Variants in RABGAP1L observed in about 807,000 individuals in gnomAD.
The protein encoded by RABGAP1L is RAB GTPase activating protein 1 like, also known as rab GTPase-activating protein 1-like.
In RABGAP1L, 63 loss-of-function variants were observed where a neutral mutation model predicts 137.7. That is an observed-to-expected ratio of 0.46 (90% CI 0.37 to 0.56). RABGAP1L has a LOEUF of 0.56. RABGAP1L is among the 20% of genes least tolerant of loss of function. The pLI, the probability that RABGAP1L is intolerant of heterozygous loss-of-function variation, is 0.00. For missense variants in RABGAP1L, 1,095 were observed against 1,244.0 expected (o/e 0.88, Z 1.80); for synonymous variants, 431 against 433.7 (o/e 0.99, Z 0.08).
At position 174,398,699 on chromosome 1, in the gene RABGAP1L, A is replaced by G. The variant is rs578242672; in HGVS notation, c.1710+4554A>G. On this transcript the variant is annotated intron_variant, in intron 13 of 25. Transcript: ENST00000681986. ...CTGGCTACTATCTTCATGGAAAACT[A>G]GAAATGTTTTTTAAAAGATAGACAC... Among the ~76,000 whole-genome samples the G allele has an allele frequency of 3.9e-5, 6 of 152,284 alleles. No individual in the cohort carries two copies. In the South Asian group the frequency reaches 1.2e-3, roughly 32 times the overall value.
chr1:174,955,432 C>T (rs1668369360), intron 19 of RABGAP1L, among the ~76,000 whole-genome samples: 1 of 152,120 alleles, frequency 6.6e-6, no homozygotes, highest in African/African-American at 2.4e-5. Context: ...GGGAATGACA[C>T]CTGGAGTCTT....
intron 1 of RABGAP1L, among the ~76,000 whole-genome samples, chr1:174,193,391 G>A (rs1263468074): frequency 6.6e-6 from 1 of 152,144 alleles, no homozygotes; most frequent in Non-Finnish European, 1.5e-5. Context: ...AATTAGCTGG[G>A]CATGGTGGTG....
chr1:174,301,523 G>C (rs1207436122), intron 10 of RABGAP1L, among the ~76,000 whole-genome samples: 1 of 151,712 alleles, frequency 6.6e-6, no homozygotes, highest in East Asian at 2.0e-4. Flanking sequence ...ACAGCCTTCT[G>C]TGTACCCAGT....
At chr1:174,882,084 C>G (rs1270645485) in intron 19 of RABGAP1L, among the ~76,000 whole-genome samples, 1 of 152,144 alleles carries the variant, frequency 6.6e-6, no homozygotes, top group African/African-American at 2.4e-5. Context: ...TGGTCTCGAA[C>G]TCCTGACTTC....
At chr1:174,214,627 C>T (rs1327606310) in intron 1 of RABGAP1L, among the ~76,000 whole-genome samples, 2 of 152,098 alleles carry the variant, frequency 1.3e-5, no homozygotes, top group African/African-American at 4.8e-5. Flanking sequence ...AAAACCAGTA[C>T]TAGCAAGAAA....
At chr1:174,747,836 TC>T (rs1489220526) in intron 17 of RABGAP1L, among the ~76,000 whole-genome samples, 4 of 151,698 alleles carry the variant, frequency 2.6e-5, no homozygotes, top group African/African-American at 9.7e-5. Flanking sequence ...GATTATTGGC[TC>T]CCCCAAGTGG....
intron 23 of RABGAP1L, among the ~76,000 whole-genome samples, chr1:174,982,288 C>A (rs1041585819): frequency 6.6e-6 from 1 of 152,150 alleles, no homozygotes; most frequent in Non-Finnish European, 1.5e-5. Flanking sequence ...CCCCTAGTCC[C>A]CTACCCCTCC....
chr1:174,479,937 A>T (rs970237883), intron 13 of RABGAP1L, among the ~76,000 whole-genome samples: 1 of 152,116 alleles, frequency 6.6e-6, no homozygotes, highest in East Asian at 1.9e-4. Flanking sequence ...TTGCTATTGT[A>T]TTTACTAACT....
At chr1:174,383,570 C>T (rs747779493) in intron 12 of RABGAP1L, among the ~76,000 whole-genome samples, 16 of 152,178 alleles carry the variant, frequency 1.1e-4, no homozygotes, top group East Asian at 1.9e-4. Flanking sequence ...CGTCCGTCAC[C>T]GCTTTCTTTG....
chr1:174,599,823 G>A (rs1670277122), intron 13 of RABGAP1L, among the ~76,000 whole-genome samples: 1 of 152,062 alleles, frequency 6.6e-6, no homozygotes, highest in South Asian at 2.1e-4. Flanking sequence ...GGTTAAATCT[G>A]CTTGGTGTTT....
intron 13 of RABGAP1L, among the ~76,000 whole-genome samples, chr1:174,506,351 C>T (rs926344767): frequency 2.0e-5 from 3 of 152,112 alleles, no homozygotes; most frequent in South Asian, 2.1e-4. Context: ...AGAGGTTATA[C>T]GGCCCACAAA....
Position 174,547,968 on chromosome 1 carries a change from T to C in RABGAP1L, c.1711-89407T>C, listed in dbSNP as rs561421817. The stretch of plus-strand genomic sequence containing the variant: ...TTAGACTTGATGTTCTGATTACTTA[T>C]ACTTTTTGTTTTAGTTCCTTTCCTG... On this transcript the variant is annotated intron_variant, in intron 13 of 25. Transcript: ENST00000681986. The C allele has an allele frequency of 2.1e-5, 33 of 1,550,592 alleles. No homozygotes were observed. In the South Asian group the frequency reaches 3.3e-4, roughly 16 times the overall value.
chr1:174,735,517 C>T lies in RABGAP1L; in HGVS notation c.2170-16796C>T, dbSNP rs1456449615. Among the ~76,000 whole-genome samples the T allele has an allele frequency of 1.4e-4, 20 of 141,764 alleles. No individual in the cohort carries two copies. In the Admixed American group the frequency reaches 1.6e-3, roughly 11 times the overall value. 93.0% of individuals were successfully genotyped at this position (141,764 alleles called of 152,430 possible). A position where few individuals can be genotyped will look rare whatever the true frequency, so the allele number is the denominator to read the frequency against. ...ATCCCAGCACTTTTGGAGCCCAAGG[C>T]AGGAGAATCACTTGAACCTGGGAGG... On this transcript the variant is annotated intron_variant, in intron 17 of 25. Transcript: ENST00000681986.
At chr1:174,457,123 G>T (rs1326183479) in intron 13 of RABGAP1L, among the ~76,000 whole-genome samples, 1 of 152,144 alleles carries the variant, frequency 6.6e-6, no homozygotes, top group African/African-American at 2.4e-5. Context: ...ACATTGTAGC[G>T]TTAGAGGGAT....
rs746693468 is a variant in RABGAP1L, at chr1:174,305,024, A to C, written c.1362A>C (p.Ile454=). 1.1e-5 allele frequency: 18 copies of C among 1,565,506 alleles called. No individual in the cohort carries two copies. Among genetic ancestry groups the C allele is most frequent in the Non-Finnish European group, 1.6e-5 (18 of 1,159,954 alleles). ...GKGHTNAGDA[I]YEVVSLQRES... ...GCCATACCAATGCTGGAGATGCAATATATGAGGTGGTGAGTCTACAGCGAG... is the reference window on the plus strand; with the variant it reads ...GCCATACCAATGCTGGAGATGCAATCTATGAGGTGGTGAGTCTACAGCGAG... Residue 454 remains isoleucine (I), a synonymous_variant, in exon 11 of 26, where the codon ATA becomes ATC. Transcript: ENST00000681986.
chr1:174,205,092 A>G (rs1220916501), intron 1 of RABGAP1L, among the ~76,000 whole-genome samples: 1 of 152,020 alleles, frequency 6.6e-6, no homozygotes, highest in Non-Finnish European at 1.5e-5. Context: ...TGTTTTTGTG[A>G]TGAGTCACAT....
chr1:174,962,404 T>C (rs1669234778), intron 20 of RABGAP1L, among the ~76,000 whole-genome samples: 1 of 152,162 alleles, frequency 6.6e-6, no homozygotes, highest in Non-Finnish European at 1.5e-5. Context: ...ATTTAGAATG[T>C]TTAACCTCAT....
chr1:174,339,248 C>G (rs573734491), intron 11 of RABGAP1L, among the ~76,000 whole-genome samples: 1 of 152,080 alleles, frequency 6.6e-6, no homozygotes, highest in East Asian at 1.9e-4. Flanking sequence ...CGCAAAAACT[C>G]AAATTTCATA....
rs563033828 is a variant in RABGAP1L at position 174,856,921 on chromosome 1, C to T, written c.2340+44961C>T. 1.1e-4 allele frequency among the ~76,000 whole-genome samples: 17 copies of T among 150,348 alleles called. 1 individual carries two copies. Among genetic ancestry groups the T allele is most frequent in the Middle Eastern group, 3.4e-3 (1 of 290 alleles). ...CAGCCTGGGAGACAGAGCAAGACTC[C>T]GTCTCCAAAAAAAAAAAAAGTTAGA... is the stretch of plus-strand genomic sequence containing the variant. On this transcript the variant is annotated intron_variant, in intron 19 of 25. Coordinates refer to ENST00000681986, the MANE Select transcript of RABGAP1L (RefSeq NM_001366446.1).
Sources: gnomAD v4.1 joint callset for allele counts (sites outside exome capture counted in the v4.1 genomes callset) on GRCh38, gnomAD v4.1.1 for gene constraint, MANE v1.5 for transcripts, NCBI Gene and HGNC (gene_info 2026-07-23, HGNC 2026-07-21) for gene names.